Variants in LYPD6B observed in about 807,000 individuals in gnomAD.
LYPD6B encodes LY6/PLAUR domain containing 6B.
In LYPD6B, 17 loss-of-function variants were observed where a neutral mutation model predicts 22.8. That is an observed-to-expected ratio of 0.75 (90% CI 0.51 to 1.12). The LOEUF is 1.12. Ranked by LOEUF, LYPD6B falls within the 50% of genes most tolerant of loss-of-function variation. The pLI, the probability that LYPD6B is intolerant of heterozygous loss-of-function variation, is 0.00. For missense variants in LYPD6B, 221 were observed against 258.3 expected, an observed-to-expected ratio of 0.86 and a Z score of 0.99; for synonymous variants, 106 against 91.6, an observed-to-expected ratio of 1.16 and a Z score of -0.90.
intron 2 of LYPD6B, among the ~76,000 whole-genome samples, chr2:149,157,863 G>A (rs2105867100): frequency 6.6e-6 from 1 of 152,274 alleles, no homozygotes; most frequent in South Asian, 2.1e-4. Context: ...GATAGAAACC[G>A]ATGCTTCAGG....
intron 3 of LYPD6B, among the ~76,000 whole-genome samples, chr2:149,166,101 A>T (rs1360249515): frequency 6.6e-6 from 1 of 152,102 alleles, no homozygotes; most frequent in Non-Finnish European, 1.5e-5. Context: ...ATATTTAATA[A>T]CGCCCTCTAT....
intron 2 of LYPD6B, among the ~76,000 whole-genome samples, chr2:149,151,663 T>C (rs963784367): frequency 6.6e-6 from 1 of 152,208 alleles, no homozygotes; most frequent in African/African-American, 2.4e-5. Flanking sequence ...CTTCTGGGTG[T>C]GTTGTTAGCA....
chr2:149,162,645 C>T (rs1690153054), intron 3 of LYPD6B, among the ~76,000 whole-genome samples: 1 of 152,154 alleles, frequency 6.6e-6, no homozygotes, highest in South Asian at 2.1e-4. Flanking sequence ...CTATGGAGAA[C>T]AGCAGAAAGA....
At chr2:149,103,447 T>C (rs910278481) in intron 1 of LYPD6B, among the ~76,000 whole-genome samples, 3 of 152,178 alleles carry the variant, frequency 2.0e-5, no homozygotes, top group Middle Eastern at 6.3e-3. Flanking sequence ...CACCGTCAAA[T>C]AGGCAATCTC....
chr2:149,050,722 C>T (rs1269526406), intron 1 of LYPD6B, among the ~76,000 whole-genome samples: 3 of 152,124 alleles, frequency 2.0e-5, no homozygotes, highest in Non-Finnish European at 4.4e-5. Context: ...TAGTTTGTCT[C>T]TTGGGAAGAG....
At chr2:149,110,107 A>G (rs1247719926) in intron 1 of LYPD6B, among the ~76,000 whole-genome samples, 1 of 152,152 alleles carries the variant, frequency 6.6e-6, no homozygotes, top group Non-Finnish European at 1.5e-5. Context: ...TTTGTTCTGC[A>G]ATATCTAATT....
At chr2:149,147,388 C>T (rs1277309657) in intron 2 of LYPD6B, among the ~76,000 whole-genome samples, 1 of 152,172 alleles carries the variant, frequency 6.6e-6, no homozygotes, top group Admixed American at 6.5e-5. Context: ...TCTTGAAAAG[C>T]TTTGAAAGGA....
At chr2:149,187,624 T>G in intron 3 of LYPD6B, 1 of 1,091,296 alleles carries the variant, frequency 9.2e-7, no homozygotes, top group Non-Finnish European at 1.2e-6. Flanking sequence ...ATAAACGTAT[T>G]TAGTAACTTA....
chr2:149,140,487 G>T (rs570642291), intron 2 of LYPD6B, among the ~76,000 whole-genome samples: 27 of 152,256 alleles, frequency 1.8e-4, no homozygotes, highest in African/African-American at 6.5e-4. Context: ...GAACTTGTAG[G>T]AATCAGGGGT....
chr2:149,049,897 T>G (rs1683474799), intron 1 of LYPD6B, among the ~76,000 whole-genome samples: 1 of 152,088 alleles, frequency 6.6e-6, no homozygotes, highest in Admixed American at 6.6e-5. Flanking sequence ...GTTAGCAGTC[T>G]CCCAACACCT....
At chr2:149,143,451 T>C (rs2105782469) in intron 2 of LYPD6B, among the ~76,000 whole-genome samples, 1 of 151,420 alleles carries the variant, frequency 6.6e-6, no homozygotes, top group Non-Finnish European at 1.5e-5. Context: ...GACTACGCCA[T>C]GTTTTTACTA....
At chr2:149,109,962 C>T (rs751313812) in intron 1 of LYPD6B, among the ~76,000 whole-genome samples, 5 of 152,136 alleles carry the variant, frequency 3.3e-5, no homozygotes, top group African/African-American at 2.4e-5. Context: ...ACACCCATCT[C>T]GGCCTCCCAA....
chr2:149,100,503 AT>A (rs1347500433), intron 1 of LYPD6B, among the ~76,000 whole-genome samples: 5 of 142,982 alleles, frequency 3.5e-5, no homozygotes, highest in Non-Finnish European at 7.5e-5. Context: ...TTTAGTAGGG[AT>A]TGGCACAGAG....
chr2:149,193,350 A>C (rs1368151886), intron 3 of LYPD6B, among the ~76,000 whole-genome samples: 1 of 152,186 alleles, frequency 6.6e-6, no homozygotes, highest in Non-Finnish European at 1.5e-5. Flanking sequence ...ACAAGCTAAA[A>C]GGGGCTATTT....
At chr2:149,099,627 C>G (rs1000188) in intron 1 of LYPD6B, among the ~76,000 whole-genome samples, 94,359 of 151,998 alleles carry the variant, frequency 0.62, 29,434 homozygotes, top group Admixed American at 0.67. Flanking sequence ...GGTCTGTCTT[C>G]GGCCTCCAAG....
chr2:149,193,093 C>T (rs989554804), intron 3 of LYPD6B, among the ~76,000 whole-genome samples: 3 of 152,114 alleles, frequency 2.0e-5, no homozygotes, highest in African/African-American at 7.2e-5. Context: ...ACAGTGGGCT[C>T]CACATCCCAT....
intron 3 of LYPD6B, among the ~76,000 whole-genome samples, chr2:149,170,981 T>C (rs1047726972): frequency 6.6e-6 from 1 of 152,214 alleles, no homozygotes. Flanking sequence ...AATAAATGTT[T>C]TATAAGCAGG....
chr2:149,189,365 T>TATATATATATATATATATAC (rs1559066292), intron 3 of LYPD6B, among the ~76,000 whole-genome samples: 7 of 93,250 alleles, frequency 7.5e-5, no homozygotes, highest in African/African-American at 2.5e-4. Flanking sequence ...TATATATATA[T>TATATATATATATATATATAC]ATACACACAC....
chr2:149,079,482 G>A (rs960570901), intron 1 of LYPD6B, among the ~76,000 whole-genome samples: 8 of 152,224 alleles, frequency 5.3e-5, no homozygotes, highest in Admixed American at 3.3e-4. Flanking sequence ...TGTCGTGCAA[G>A]GTTTTTGCTG....
Sources: allele counts gnomAD v4.1 joint callset (sites outside exome capture counted in the v4.1 genomes callset), GRCh38; gene constraint gnomAD v4.1.1; transcripts MANE v1.5; gene names NCBI Gene and HGNC (gene_info 2026-07-23, HGNC 2026-07-21).